Variants in RIPOR2 observed in about 807,000 individuals in gnomAD.
RIPOR2 encodes the protein rho family-interacting cell polarization regulator 2.
In RIPOR2, 39 loss-of-function variants were observed where a neutral mutation model predicts 114.5. The observed-to-expected ratio is 0.34, with a 90% CI of 0.26 to 0.44. The LOEUF (loss-of-function observed/expected upper bound fraction) is 0.44, where lower values mean the gene tolerates loss of function less well. Ranked by LOEUF, RIPOR2 falls within the 20% of genes least tolerant of loss-of-function variation. The probability of loss-of-function intolerance (pLI) is 1.00; values close to 1 mark genes in which losing one functional copy is unlikely to be tolerated. For synonymous variants in RIPOR2, 445 were observed against 484.4 expected, an observed-to-expected ratio of 0.92 and a Z score of 1.07; for missense variants, 1,007 against 1,255.1, an observed-to-expected ratio of 0.80 and a Z score of 2.99.
rs1780774627 is a variant in RIPOR2 at position 24,806,436 on chromosome 6, T to C, written c.3081A>G (p.Lys1027=). ...CGACTTTAACACAGTCTCGAGGAAA[T>C]TTGTCCAATTGTTCATATGCCAGCC... ...DGRLAYEQLD[K]FPRDCVKVGG... The change falls in exon 22 of 22, where the codon AAA becomes AAG. Residue 1027 remains lysine (K), a synonymous_variant. Transcript: ENST00000643898. The C allele has an allele frequency of 6.4e-7, 1 of 1,551,682 alleles. No individual in the cohort carries two copies. The highest frequency in any genetic ancestry group is 8.7e-7 in the Non-Finnish European group (1 of 1,146,980).
intron 1 of RIPOR2, among the ~76,000 whole-genome samples, chr6:24,890,062 T>G (rs1188510210): frequency 6.6e-6 from 1 of 151,978 alleles, no homozygotes; most frequent in Non-Finnish European, 1.5e-5. Flanking sequence ...CCTGGCTAAT[T>G]TTTTGTATTT....
At chr6:25,003,763 A>G (rs1403579054) in intron 1 of RIPOR2, among the ~76,000 whole-genome samples, 2 of 152,178 alleles carry the variant, frequency 1.3e-5, no homozygotes, top group Non-Finnish European at 2.9e-5. Flanking sequence ...ATTACCTCTT[A>G]TTCCAAGCCT....
chr6:24,931,982 TC>T (rs1435909400), intron 1 of RIPOR2: 4 of 152,588 alleles, frequency 2.6e-5, no homozygotes, highest in African/African-American at 9.6e-5. Context: ...GCATGGCCCT[TC>T]TTTTTTCCTT....
intron 1 of RIPOR2, chr6:25,014,822 G>A (rs1775900721): frequency 6.6e-6 from 1 of 152,138 alleles, no homozygotes; most frequent in South Asian, 2.1e-4. Context: ...TGGTCACTAG[G>A]GACAAGGACA....
chr6:24,976,364 A>C (rs1177879778), intron 1 of RIPOR2: 1 of 1,116,834 alleles, frequency 9.0e-7, no homozygotes, highest in African/African-American at 1.6e-5. Flanking sequence ...GATATTAAGA[A>C]ACGAGAAAAG....
intron 19 of RIPOR2, among the ~76,000 whole-genome samples, chr6:24,820,205 G>C (rs1170726868): frequency 1.3e-5 from 2 of 151,750 alleles, no homozygotes; most frequent in Admixed American, 6.6e-5. Context: ...GCTAATTTTT[G>C]TATTTTTAGT....
intron 1 of RIPOR2, among the ~76,000 whole-genome samples, chr6:24,918,643 A>G (rs1458207342): frequency 2.6e-5 from 4 of 152,198 alleles, no homozygotes; most frequent in Admixed American, 6.5e-5. Flanking sequence ...CTTCATGGAC[A>G]TTATTTTGGA....
chr6:24,849,873 G>A lies in RIPOR2; in HGVS notation c.963C>T (p.Ala321=). Reference sequence around the variant, plus strand: ...TGTCGACAGCCACTACCTGAGGTCGGGCTGCAAACAGCTCTTTGGTCTCAC... The same window carrying A: ...TGTCGACAGCCACTACCTGAGGTCGAGCTGCAAACAGCTCTTTGGTCTCAC... ...VTCETKELFA[A]RPQVVAVDIN... Residue 321 remains alanine (A), a synonymous_variant, in exon 11 of 22, where the codon GCC becomes GCT. Coordinates refer to ENST00000643898, the MANE Select transcript of RIPOR2 (RefSeq NM_001286445.3). The A allele has an allele frequency of 1.2e-6, 2 of 1,613,804 alleles. No individual in the cohort carries two copies. The highest frequency in any genetic ancestry group is 1.7e-6 in the Non-Finnish European group (2 of 1,179,816).
chr6:24,895,135 C>T (rs1767733147), intron 1 of RIPOR2, among the ~76,000 whole-genome samples: 1 of 152,148 alleles, frequency 6.6e-6, no homozygotes. Context: ...TCACTGCAAC[C>T]TCCGCCTTCC....
intron 8 of RIPOR2, among the ~76,000 whole-genome samples, chr6:24,855,625 C>A (rs1370960361): frequency 6.6e-6 from 1 of 152,174 alleles, no homozygotes; most frequent in Admixed American, 6.5e-5. Flanking sequence ...CTATTTATAA[C>A]CTTTGTGCTC....
At chr6:24,821,959 C>T (rs1759739064) in intron 19 of RIPOR2, among the ~76,000 whole-genome samples, 1 of 152,160 alleles carries the variant, frequency 6.6e-6, no homozygotes, top group South Asian at 2.1e-4. Context: ...AGGGGTAAAC[C>T]TATGGTTTGA....
chr6:25,012,119 T>C (rs1329062382), intron 1 of RIPOR2, among the ~76,000 whole-genome samples: 4 of 152,140 alleles, frequency 2.6e-5, no homozygotes, highest in East Asian at 3.9e-4. Flanking sequence ...TGGCTAATAA[T>C]CACATGAAAA....
At chr6:24,901,222 A>G (rs994541302) in intron 1 of RIPOR2, among the ~76,000 whole-genome samples, 9 of 152,226 alleles carry the variant, frequency 5.9e-5, no homozygotes, top group Admixed American at 5.9e-4. Flanking sequence ...CATCCTTTCA[A>G]TAGGGCTTTT....
intron 1 of RIPOR2, among the ~76,000 whole-genome samples, chr6:24,894,840 A>G (rs187339131): frequency 1.1e-3 from 161 of 152,324 alleles, no homozygotes; most frequent in African/African-American, 3.8e-3. Context: ...CTATACTCTT[A>G]GGGTTAAATC....
chr6:24,809,946 C>T, intron 20 of RIPOR2, 139 bp from the exon 21 acceptor site: 1 of 637,208 alleles, frequency 1.6e-6, no homozygotes. Flanking sequence ...TCATAGCTCA[C>T]TGCAGCCTTG....
rs556315661 is a variant in RIPOR2, at chr6:24,918,066, C to T, written c.61+17772G>A. Among the ~76,000 whole-genome samples, 187 of 152,316 alleles carry T rather than the reference C, an allele frequency of 1.2e-3. 3 individuals are homozygous for T. Among genetic ancestry groups the T allele is most frequent in the South Asian group, 8.3e-3 (40 of 4,830 alleles). ...CTGGAGGGCTCACCTGTAGGGACCA[C>T]GTCAGTGGCCGCCCTGTGATGTCCA... is the stretch of plus-strand genomic sequence containing the variant. On this transcript the variant is annotated intron_variant, in intron 1 of 21. Coordinates refer to ENST00000643898, the MANE Select transcript of RIPOR2 (RefSeq NM_001286445.3).
chr6:25,015,306 C>T (rs1279680717), intron 1 of RIPOR2: 1 of 152,244 alleles, frequency 6.6e-6, no homozygotes, highest in Non-Finnish European at 1.5e-5. Flanking sequence ...GTCAAGAGCA[C>T]ATTTGTACTC....
At chr6:24,992,845 A>G (rs1371886398) in intron 1 of RIPOR2, among the ~76,000 whole-genome samples, 1 of 152,194 alleles carries the variant, frequency 6.6e-6, no homozygotes, top group African/African-American at 2.4e-5. Flanking sequence ...CTAAAACAGC[A>G]TGGTACTGGT....
At chr6:24,971,726 G>A (rs1773797136) in intron 1 of RIPOR2, among the ~76,000 whole-genome samples, 1 of 152,208 alleles carries the variant, frequency 6.6e-6, no homozygotes, top group Non-Finnish European at 1.5e-5. Flanking sequence ...AACCATGAAG[G>A]CAGATCCCAA....
Sources: allele counts gnomAD v4.1 joint callset (sites outside exome capture counted in the v4.1 genomes callset), GRCh38; gene constraint gnomAD v4.1.1; transcripts MANE v1.5; gene names NCBI Gene and HGNC (gene_info 2026-07-23, HGNC 2026-07-21).